SLCO5A1: variants seen among roughly 807,000 people sequenced by gnomAD.
SLCO5A1 encodes solute carrier organic anion transporter family member 5A1, also known as organic anion transporter polypeptide-related protein 4.
A neutral mutation model predicts 65.1 loss-of-function variants in SLCO5A1; 39 were observed. That is an observed-to-expected ratio of 0.60 (90% confidence interval 0.46 to 0.78). The LOEUF (loss-of-function observed/expected upper bound fraction) is 0.78, where lower values mean the gene tolerates loss of function less well. SLCO5A1 is among the 30% of genes least tolerant of loss of function. SLCO5A1 has a pLI of 0.00. For synonymous variants in SLCO5A1, 438 were observed against 415.7 expected, an observed-to-expected ratio of 1.05 and a Z score of -0.65; for missense variants, 1,029 against 1,069.4, an observed-to-expected ratio of 0.96 and a Z score of 0.53.
intron 5 of SLCO5A1, among the ~76,000 whole-genome samples, chr8:69,706,512 G>C (rs1416136539): frequency 1.3e-5 from 2 of 152,184 alleles, no homozygotes; most frequent in African/African-American, 4.8e-5. Flanking sequence ...TCACAAGAGT[G>C]GGAGGCCTAA....
chr8:69,811,309 G>A (rs554416944), intron 2 of SLCO5A1, among the ~76,000 whole-genome samples: 8 of 152,316 alleles, frequency 5.3e-5, no homozygotes, highest in East Asian at 1.9e-4. Flanking sequence ...AGCGCCTGTC[G>A]TAATTACCAG....
Position 69,669,791 on chromosome 8 carries a change from G to C in SLCO5A1, c.*3078C>G, listed in dbSNP as rs1389218160. ...AGATTAAGCCACTGCACTCCAGCCT[G>C]GGTGACAGAGCAAGACTCTGTCTCA... On this transcript the variant is annotated 3_prime_UTR_variant, in exon 10 of 10. Transcript: ENST00000260126. 6.7e-6 allele frequency: 1 copy of C among 148,490 alleles called. No homozygotes were observed. The highest frequency in any genetic ancestry group is 1.5e-5 in the Non-Finnish European group (1 of 67,436). 9.2% of individuals were successfully genotyped at this position (148,490 alleles called of 1,614,324 possible). A position where few individuals can be genotyped will look rare whatever the true frequency, so the allele number is the denominator to read the frequency against.
At chr8:69,779,758 G>A (rs1458835667) in intron 2 of SLCO5A1, among the ~76,000 whole-genome samples, 2 of 151,768 alleles carry the variant, frequency 1.3e-5, no homozygotes, top group East Asian at 3.9e-4. Context: ...TTCATTTAAG[G>A]GCACATTTCT....
intron 2 of SLCO5A1, among the ~76,000 whole-genome samples, chr8:69,785,725 G>A (rs1819022019): frequency 6.6e-6 from 1 of 152,180 alleles, no homozygotes; most frequent in African/African-American, 2.4e-5. Context: ...GGCTTCCCAA[G>A]TAATTTAAAT....
At chr8:69,691,232 T>C (rs1029596049) in intron 6 of SLCO5A1, among the ~76,000 whole-genome samples, 4 of 152,054 alleles carry the variant, frequency 2.6e-5, no homozygotes, top group African/African-American at 7.2e-5. Flanking sequence ...GTGCTGGGAA[T>C]GTAATTATGT....
In SLCO5A1 at chr8:69,782,728, A is replaced by G. The variant is rs138233533; in HGVS notation, c.908-20853T>C. The stretch of plus-strand genomic sequence containing the variant: ...ACACAACACTTCAATTTATAGCAGT[A>G]GAAAAAAATTCTCATTTGGAAGGTG... On this transcript the variant is annotated intron_variant, in intron 2 of 9. Coordinates refer to ENST00000260126, the MANE Select transcript of SLCO5A1 (RefSeq NM_030958.3). Among the ~76,000 whole-genome samples, 921 of 152,328 alleles carry G rather than the reference A, an allele frequency of 6.0e-3. 15 individuals are homozygous for G. The highest frequency in any genetic ancestry group is 0.021 in the African/African-American group (875 of 41,578).
At chr8:69,797,621 C>T (rs1032880969) in intron 2 of SLCO5A1, among the ~76,000 whole-genome samples, 2 of 150,846 alleles carry the variant, frequency 1.3e-5, no homozygotes, top group South Asian at 2.1e-4. Context: ...ATGGCCACTT[C>T]GTGGCGGGGG....
At chr8:69,727,455 T>A (rs1274631020) in intron 5 of SLCO5A1, among the ~76,000 whole-genome samples, 5 of 152,212 alleles carry the variant, frequency 3.3e-5, no homozygotes, top group African/African-American at 1.2e-4. Flanking sequence ...TACAGTTCAA[T>A]CTGTATAATA....
intron 5 of SLCO5A1, among the ~76,000 whole-genome samples, chr8:69,732,928 G>A (rs1222672979): frequency 1.3e-5 from 2 of 151,930 alleles, no homozygotes; most frequent in Non-Finnish European, 2.9e-5. Context: ...ATACTCCAAG[G>A]AGTACAAGAC....
chr8:69,722,982 A>G lies in SLCO5A1; in HGVS notation c.1423+15058T>C, dbSNP rs534554021. Among the ~76,000 whole-genome samples the G allele has an allele frequency of 1.3e-4, 20 of 152,306 alleles. No homozygotes were observed. In the South Asian group the frequency reaches 4.1e-3, roughly 32 times the overall value. On this transcript the variant is annotated intron_variant, in intron 5 of 9. Coordinates refer to ENST00000260126, the MANE Select transcript of SLCO5A1 (RefSeq NM_030958.3). ...TATAGTAAATATATATTCTTTGGCA[A>G]GTTATTGGCATTTTACGTTTACTCA...
intron 8 of SLCO5A1, among the ~76,000 whole-genome samples, chr8:69,677,780 C>T (rs1586672127): frequency 1.3e-5 from 2 of 152,340 alleles, no homozygotes; most frequent in South Asian, 2.1e-4. Flanking sequence ...CAGCCAACTG[C>T]CCTTGCTAAG....
intron 6 of SLCO5A1, among the ~76,000 whole-genome samples, chr8:69,699,674 A>G (rs1462869311): frequency 6.6e-6 from 1 of 152,270 alleles, no homozygotes; most frequent in East Asian, 1.9e-4. Flanking sequence ...CAAAATAAAC[A>G]GAAAGTTAGG....
chr8:69,814,343 A>G (rs541408558), intron 2 of SLCO5A1, among the ~76,000 whole-genome samples: 24 of 152,360 alleles, frequency 1.6e-4, no homozygotes, highest in African/African-American at 5.5e-4. Context: ...AAAAAATTCA[A>G]TTAAAAAATA....
intron 6 of SLCO5A1, among the ~76,000 whole-genome samples, chr8:69,697,742 G>C (rs762125107): frequency 6.6e-6 from 1 of 151,892 alleles, no homozygotes; most frequent in Non-Finnish European, 1.5e-5. Flanking sequence ...AGAGAAATGA[G>C]AACTAAGGCT....
chr8:69,785,956 A>G (rs1003536758), intron 2 of SLCO5A1, among the ~76,000 whole-genome samples: 6 of 152,248 alleles, frequency 3.9e-5, no homozygotes, highest in Non-Finnish European at 8.8e-5. Context: ...GTTATTATAG[A>G]GATGTTTGCA....
chr8:69,804,769 T>C (rs770860448), intron 2 of SLCO5A1, among the ~76,000 whole-genome samples: 12 of 152,200 alleles, frequency 7.9e-5, no homozygotes, highest in Non-Finnish European at 1.6e-4. Flanking sequence ...CACTCCACCT[T>C]ACACCTCAGA....
At chr8:69,679,071 C>G (rs1167983193) in intron 8 of SLCO5A1, among the ~76,000 whole-genome samples, 1 of 152,226 alleles carries the variant, frequency 6.6e-6, no homozygotes, top group Non-Finnish European at 1.5e-5. Context: ...CTTTCAACTC[C>G]TGAAGTTGAA....
At chr8:69,799,315 C>T (rs1386931053) in intron 2 of SLCO5A1, among the ~76,000 whole-genome samples, 1 of 152,020 alleles carries the variant, frequency 6.6e-6, no homozygotes, top group Non-Finnish European at 1.5e-5. Flanking sequence ...AAGAAATATC[C>T]CACAAATGGG....
intron 4 of SLCO5A1, among the ~76,000 whole-genome samples, chr8:69,745,714 T>G (rs1290928319): frequency 6.6e-6 from 1 of 152,098 alleles, no homozygotes; most frequent in Admixed American, 6.6e-5. Context: ...CATACCCTTT[T>G]AAAAAAATAA....
Sources: gnomAD v4.1 joint callset for allele counts (sites outside exome capture counted in the v4.1 genomes callset) on GRCh38, gnomAD v4.1.1 for gene constraint, MANE v1.5 for transcripts, NCBI Gene and HGNC (gene_info 2026-07-23, HGNC 2026-07-21) for gene names.